NDUFA8: variants seen among roughly 807,000 people sequenced by gnomAD.
NDUFA8 encodes NADH dehydrogenase [ubiquinone] 1 alpha subcomplex subunit 8.
A neutral mutation model predicts 20.9 loss-of-function variants in NDUFA8; 16 were observed. The observed-to-expected ratio is 0.77, with a 90% CI of 0.52 to 1.16. NDUFA8 has a LOEUF of 1.16. Among genes scored for constraint, NDUFA8 ranks in the 50% most tolerant of loss-of-function variants. The pLI is 0.00. For missense variants in NDUFA8, 202 were observed against 216.4 expected (o/e 0.93, Z 0.42); for synonymous variants, 70 against 76.1 (o/e 0.92, Z 0.41).
intron 1 of NDUFA8, among the ~76,000 whole-genome samples, chr9:122,158,624 A>G (rs1340780429): frequency 6.6e-6 from 1 of 151,444 alleles, no homozygotes; most frequent in East Asian, 1.9e-4. Flanking sequence ...TCGGGGACTA[A>G]TTCCTTATTT....
At chr9:122,141,910 A>AG (rs898402726), downstream of NDUFA8, among the ~76,000 whole-genome samples, 9 of 152,136 alleles carry the variant, frequency 5.9e-5, no homozygotes, top group African/African-American at 1.9e-4. Context: ...CAAGGTGGGG[A>AG]GGGGGGAGGC....
chr9:122,142,681 C>T (rs1564406915), downstream of NDUFA8, among the ~76,000 whole-genome samples: 2 of 152,282 alleles, frequency 1.3e-5, no homozygotes, highest in African/African-American at 2.4e-5. Flanking sequence ...TGTAGTACCT[C>T]GTTCAAAGGA....
chr9:122,133,641 G>T, the NDUFA8 span, among the ~76,000 whole-genome samples: 1 of 152,184 alleles, frequency 6.6e-6, no homozygotes, highest in Non-Finnish European at 1.5e-5. Flanking sequence ...GTTTTGGAAT[G>T]GACTGGCAGA....
chr9:122,150,955 G>C (rs907761333), intron 2 of NDUFA8, among the ~76,000 whole-genome samples: 6 of 116,418 alleles, frequency 5.2e-5, no homozygotes, highest in African/African-American at 1.6e-4. Context: ...CTGGGCAACA[G>C]AGTGAGACTC....
chr9:122,149,621 T>C (rs1375574758), intron 2 of NDUFA8, among the ~76,000 whole-genome samples: 2 of 152,208 alleles, frequency 1.3e-5, no homozygotes, highest in Non-Finnish European at 2.9e-5. Context: ...GTACTACCAC[T>C]GGACCATGGA....
the NDUFA8 span, among the ~76,000 whole-genome samples, chr9:122,138,574 G>A: frequency 2.0e-5 from 3 of 152,272 alleles, 1 homozygote; most frequent in South Asian, 4.1e-4. Context: ...TACATTGAAC[G>A]ATTAACTAGG....
intron 1 of NDUFA8, 88 bp downstream of exon 1, chr9:122,159,539 A>G: frequency 6.5e-7 from 1 of 1,530,870 alleles, no homozygotes; most frequent in South Asian, 1.1e-5. Flanking sequence ...CCCGGGTCCC[A>G]GGATCCGCGG....
chr9:122,153,391 T>TAGTCCATCTAGTAAC (rs1303620877), intron 1 of NDUFA8, among the ~76,000 whole-genome samples: 1 of 151,958 alleles, frequency 6.6e-6, no homozygotes, highest in South Asian at 2.1e-4. Context: ...CATCTAGTAA[T>TAGTCCATCTAGTAAC]AGTCCATCTA....
intron 2 of NDUFA8, 38 bp downstream of exon 2, chr9:122,152,207 G>A (rs763795918): frequency 2.9e-5 from 46 of 1,611,944 alleles, no homozygotes; most frequent in Non-Finnish European, 3.6e-5. Flanking sequence ...AAACCTTTAT[G>A]CTTCAACCAA....
intron 1 of NDUFA8, 66 bp from the exon 2 acceptor site, chr9:122,152,474 C>T (rs1036427665): frequency 2.0e-6 from 3 of 1,512,106 alleles, no homozygotes; most frequent in Non-Finnish European, 2.7e-6. Flanking sequence ...CTCAGCTTTA[C>T]CTCATGCGGG....
chr9:122,153,560 A>G lies in NDUFA8; in HGVS notation c.52-1152T>C, dbSNP rs143931500. Among the ~76,000 whole-genome samples, 97 of 152,334 alleles carry G rather than the reference A, an allele frequency of 6.4e-4. 2 individuals are homozygous for G. The East Asian group carries it at 0.017, about 26-fold the overall frequency. On this transcript the variant is annotated intron_variant, in intron 1 of 3. Transcript: ENST00000373768. ...TTTCTTGAGAAGATACACAGTGTAG[A>G]TATAGCCAGCTCAGAGAGAACTGCA...
intron 1 of NDUFA8, among the ~76,000 whole-genome samples, chr9:122,156,185 G>A (rs965328199): frequency 6.6e-6 from 1 of 152,112 alleles, no homozygotes; most frequent in African/African-American, 2.4e-5. Context: ...CATGAATACC[G>A]TCTCAAATTC....
intron 1 of NDUFA8, among the ~76,000 whole-genome samples, chr9:122,157,722 C>T (rs1413045043): frequency 8.5e-5 from 13 of 152,194 alleles, no homozygotes; most frequent in Admixed American, 8.5e-4. Context: ...CATGGCAGCT[C>T]CCCTCTGCCA....
chr9:122,150,408 C>CA (rs1828976720), intron 2 of NDUFA8, among the ~76,000 whole-genome samples: 1 of 35,052 alleles, frequency 2.9e-5, no homozygotes, highest in Non-Finnish European at 5.2e-5. Flanking sequence ...GACACCCCAT[C>CA]ACAAAAAAAA....
At chr9:122,144,796 T>C (rs1828877772) in intron 3 of NDUFA8, among the ~76,000 whole-genome samples, 2 of 152,112 alleles carry the variant, frequency 1.3e-5, no homozygotes, top group Non-Finnish European at 1.5e-5. Context: ...GAGGTAAGAC[T>C]TAGCTTAAAG....
rs554867799 is a variant in NDUFA8, at chr9:122,153,277, AAAATTAAATT to A, written c.52-879_52-870del. On this transcript the variant is annotated intron_variant, in intron 1 of 3. Coordinates refer to ENST00000373768, the MANE Select transcript of NDUFA8 (RefSeq NM_014222.3). ...GCAAGACTCTGTCTCAAAAAAAAAA[AAAATTAAATT>A]AAATTAAATTAAATTAAAGGATAAA... is the stretch of plus-strand genomic sequence containing the variant. Among the ~76,000 whole-genome samples, 125 of 151,672 alleles carry A rather than the reference AAAATTAAATT, an allele frequency of 8.2e-4. 1 individual carries two copies. Among genetic ancestry groups the A allele is most frequent in the Non-Finnish European group, 1.6e-3 (111 of 67,888 alleles).
At position 122,158,249 on chromosome 9, in the gene NDUFA8, C is replaced by A. The variant is rs77567927; in HGVS notation, c.51+1378G>T. ...TTGGCCTTCCTCTCCTTTAATATAG[C>A]CTGTTCTACTATCCAGCCCTGCCAT... On this transcript the variant is annotated intron_variant, in intron 1 of 3. Coordinates refer to ENST00000373768, the MANE Select transcript of NDUFA8 (RefSeq NM_014222.3). Among the ~76,000 whole-genome samples, 5 of 152,282 alleles carry A rather than the reference C, an allele frequency of 3.3e-5. No individual in the cohort carries two copies. In the East Asian group the frequency reaches 9.6e-4, roughly 29 times the overall value.
At chr9:122,133,088 A>G in the NDUFA8 span, 1,053 of 450,944 alleles carry the variant, frequency 2.3e-3, 12 homozygotes, top group South Asian at 0.01. Context: ...CCTGCATTTC[A>G]TGGGTGAGGA....
chr9:122,148,354 A>G, intron 2 of NDUFA8, 77 bp from the exon 3 acceptor site: 1 of 1,519,212 alleles, frequency 6.6e-7, no homozygotes, highest in Non-Finnish European at 9.1e-7. Context: ...AAATAGGTAC[A>G]GATCTCAAAT....
Sources: allele counts gnomAD v4.1 joint callset (sites outside exome capture counted in the v4.1 genomes callset), GRCh38; gene constraint gnomAD v4.1.1; transcripts MANE v1.5; gene names NCBI Gene and HGNC (gene_info 2026-07-23, HGNC 2026-07-21).